Variants in LRRC39 observed in about 807,000 individuals in gnomAD.
LRRC39 encodes the protein leucine rich repeat containing 39.
Under a neutral mutation model 39.7 loss-of-function variants are expected in LRRC39, and 35 were observed. The observed-to-expected ratio is 0.88, with a 90% CI of 0.67 to 1.17. The LOEUF (loss-of-function observed/expected upper bound fraction) is 1.17, where lower values mean the gene tolerates loss of function less well. Ranked by LOEUF, LRRC39 falls within the 50% of genes most tolerant of loss-of-function variation. The pLI, the probability that LRRC39 is intolerant of heterozygous loss-of-function variation, is 0.00. For missense variants in LRRC39, 357 were observed against 385.8 expected (o/e 0.93, Z 0.62); for synonymous variants, 113 against 134.1 (o/e 0.84, Z 1.09).
At chr1:100,172,694 C>T (rs1296368463) in intron 2 of LRRC39, among the ~76,000 whole-genome samples, 5 of 152,142 alleles carry the variant, frequency 3.3e-5, no homozygotes, top group East Asian at 3.9e-4. Context: ...GGCGCGGTGG[C>T]TCATACCTGT....
rs952443443 is a variant in LRRC39, at chr1:100,148,498, G to A, written c.*544C>T. The A allele has an allele frequency of 9.5e-7, 1 of 1,057,690 alleles. No homozygotes were observed. The highest frequency in any genetic ancestry group is 1.4e-6 in the Non-Finnish European group (1 of 726,894). 65.5% of individuals were successfully genotyped at this position (1,057,690 alleles called of 1,614,324 possible). A position where few individuals can be genotyped will look rare whatever the true frequency, so the allele number is the denominator to read the frequency against. ...GTCATAAATATAATGTGTCTTGGAAGCATGGGACAAAGTACTTAGTACATT... is the reference window on the plus strand; with the variant it reads ...GTCATAAATATAATGTGTCTTGGAAACATGGGACAAAGTACTTAGTACATT... On this transcript the variant is annotated 3_prime_UTR_variant, in exon 10 of 10. Coordinates refer to ENST00000370137, the MANE Select transcript of LRRC39 (RefSeq NM_144620.4).
chr1:100,173,648 G>A (rs1659776320), intron 1 of LRRC39, among the ~76,000 whole-genome samples: 1 of 151,930 alleles, frequency 6.6e-6, no homozygotes, highest in Non-Finnish European at 1.5e-5. Context: ...AGAAATAAAA[G>A]GCTTAAAGTT....
Position 100,148,540 on chromosome 1 carries a change from T to C in LRRC39, c.*502A>G. On this transcript the variant is annotated 3_prime_UTR_variant, in exon 10 of 10. Transcript: ENST00000370137. ...TAGTACATTATGGGTTAGTTAACAG[T>C]CTCTCAATAAATAGTGACAAAAATA... The C allele has an allele frequency of 7.8e-7, 1 of 1,285,982 alleles. No homozygotes were observed. Among genetic ancestry groups the C allele is most frequent in the South Asian group, 1.3e-5 (1 of 75,022 alleles). The allele number at this position is 1,285,982 out of a possible 1,614,324, so 79.7% of individuals were successfully genotyped here. A position where few individuals can be genotyped will look rare whatever the true frequency, so the allele number is the denominator to read the frequency against.
chr1:100,168,273 G>A (rs1659379186), intron 3 of LRRC39, 131 bp downstream of exon 3: 1 of 702,110 alleles, frequency 1.4e-6, no homozygotes. Context: ...TTTTCTTTAA[G>A]TATATTTTGA....
intron 1 of LRRC39, 74 bp from the exon 2 acceptor site, chr1:100,173,444 C>G (rs1659762712): frequency 6.6e-6 from 1 of 152,040 alleles, no homozygotes; most frequent in South Asian, 2.1e-4. Context: ...TGATTAAAAA[C>G]AAGTCTTAAC....
intron 6 of LRRC39, 72 bp from the exon 7 acceptor site, chr1:100,156,389 A>T (rs1221096970): frequency 7.2e-7 from 1 of 1,385,702 alleles, no homozygotes; most frequent in Non-Finnish European, 9.7e-7. Flanking sequence ...ACATTGGTAA[A>T]GGAGATATTT....
chr1:100,159,608 T>C (rs372176646), intron 4 of LRRC39, among the ~76,000 whole-genome samples, 193 bp from the exon 5 acceptor site: 88,542 of 112,708 alleles, frequency 0.79, 32,913 homozygotes, highest in South Asian at 0.88. Context: ...TTCTTTTCCT[T>C]TTTTTTTTTT....
At position 100,152,537 on chromosome 1, in the gene LRRC39, C is replaced by CA; in HGVS notation, c.813-14dup. The CA allele has an allele frequency of 1.2e-6, 2 of 1,608,590 alleles. No homozygotes were observed. Among genetic ancestry groups the CA allele is most frequent in the East Asian group, 2.2e-5 (1 of 44,794 alleles). Reference sequence around the variant, plus strand: ...GAAGTTGACAAACCTAGAAGTTCATCAAAAAACAGTATTTTTATAGGTGTC... The same window carrying CA: ...GAAGTTGACAAACCTAGAAGTTCATCAAAAAAACAGTATTTTTATAGGTGTC... On this transcript the variant is annotated splice_polypyrimidine_tract_variant and intron_variant, in intron 8 of 9. Transcript: ENST00000370137.
intron 1 of LRRC39, among the ~76,000 whole-genome samples, chr1:100,176,889 T>A (rs1450439554): frequency 6.6e-6 from 1 of 152,008 alleles, no homozygotes; most frequent in Admixed American, 6.6e-5. Flanking sequence ...AACATAAAAG[T>A]GACAGTACTT....
chr1:100,153,829 C>T (rs1463144297), intron 8 of LRRC39, among the ~76,000 whole-genome samples: 1 of 152,070 alleles, frequency 6.6e-6, no homozygotes, highest in Non-Finnish European at 1.5e-5. Flanking sequence ...AATCTTGGCT[C>T]ACTGCAACCT....
chr1:100,155,313 G>A (rs1271565431), intron 7 of LRRC39, 110 bp from the exon 8 acceptor site: 2 of 985,564 alleles, frequency 2.0e-6, no homozygotes, highest in Non-Finnish European at 2.8e-6. Flanking sequence ...TGTCCAGGAT[G>A]GTCTCAAACT....
chr1:100,149,333 C>T, intron 9 of LRRC39: 2 of 1,541,946 alleles, frequency 1.3e-6, no homozygotes, highest in Non-Finnish European at 1.7e-6. Flanking sequence ...GAGATATTCA[C>T]AATTAATAAA....
chr1:100,156,289 A>G lies in LRRC39; in HGVS notation c.542T>C (p.Leu181Pro). 1 of 1,612,204 alleles carries G rather than the reference A, an allele frequency of 6.2e-7. No homozygotes were observed. The highest frequency in any genetic ancestry group is 1.1e-5 in the South Asian group (1 of 90,772). ...AGTAAAATCGTTCATACTCAGATCA[A>G]GGTGAGTAAGTTTTAGCAGATTGCT... ...ELSNLLKLTH[L>P]DLSMNDFTTI... The change falls in exon 7 of 10, where the codon CTT (leucine) becomes CCT (proline). Residue 181 changes from leucine (L) to proline (P), a missense_variant. Physicochemically the swap from Leu to Pro is moderately conservative, Grantham distance 98. Transcript: ENST00000370137.
Position 100,148,499 on chromosome 1 carries a change from C to A in LRRC39, c.*543G>T, listed in dbSNP as rs1200158983. 2.8e-6 allele frequency: 3 copies of A among 1,058,848 alleles called. No individual in the cohort carries two copies. The highest frequency in any genetic ancestry group is 2.7e-6 in the Non-Finnish European group (2 of 727,840). 65.6% of individuals were successfully genotyped at this position (1,058,848 alleles called of 1,614,324 possible). A position where few individuals can be genotyped will look rare whatever the true frequency, so the allele number is the denominator to read the frequency against. On this transcript the variant is annotated 3_prime_UTR_variant, in exon 10 of 10. Transcript: ENST00000370137. ...TCATAAATATAATGTGTCTTGGAAGCATGGGACAAAGTACTTAGTACATTA... is the reference window on the plus strand; with the variant it reads ...TCATAAATATAATGTGTCTTGGAAGAATGGGACAAAGTACTTAGTACATTA...
At chr1:100,155,519 C>A (rs1003037805) in intron 7 of LRRC39, among the ~76,000 whole-genome samples, 1 of 152,202 alleles carries the variant, frequency 6.6e-6, no homozygotes, top group East Asian at 1.9e-4. Context: ...TTTATCTCTA[C>A]AGTACAACTC....
chr1:100,158,195 G>A, intron 6 of LRRC39, 36 bp downstream of exon 6: 1 of 1,602,290 alleles, frequency 6.2e-7, no homozygotes, highest in Non-Finnish European at 8.5e-7. Context: ...TACTGCAGAT[G>A]GAAAATACAA....
chr1:100,174,506 CCAGGCTG>C (rs1557930685), intron 1 of LRRC39, among the ~76,000 whole-genome samples: 1 of 151,666 alleles, frequency 6.6e-6, no homozygotes. Context: ...ACCATGTTGC[CCAGGCTG>C]ATCTTGAACT....
rs1659295675 is a variant in LRRC39 at position 100,166,993 on chromosome 1, G to A, written c.113+1411C>T. The stretch of plus-strand genomic sequence containing the variant: ...TTATAAATTACCCAGTCTCAGGTAT[G>A]TCTTTATCAGCAGCATGAAAACAGA... On this transcript the variant is annotated intron_variant, in intron 3 of 9. Transcript: ENST00000370137. Among the ~76,000 whole-genome samples, 4 of 152,136 alleles carry A rather than the reference G, an allele frequency of 2.6e-5. No homozygotes were observed. In the South Asian group the frequency reaches 8.3e-4, roughly 31 times the overall value.
At chr1:100,154,002 G>A (rs1658265248) in intron 8 of LRRC39, among the ~76,000 whole-genome samples, 1 of 151,394 alleles carries the variant, frequency 6.6e-6, no homozygotes, top group Non-Finnish European at 1.5e-5. Context: ...TTTTTATGTT[G>A]TGAGTGAAGT....
Sources: allele counts gnomAD v4.1 joint callset (sites outside exome capture counted in the v4.1 genomes callset), GRCh38; gene constraint gnomAD v4.1.1; transcripts MANE v1.5; gene names NCBI Gene and HGNC (gene_info 2026-07-23, HGNC 2026-07-21).